Variants in DGLUCY observed in about 807,000 individuals in gnomAD.
The protein encoded by DGLUCY is D-glutamate cyclase.
In DGLUCY, 58 loss-of-function variants were observed where a neutral mutation model predicts 58.5. The observed-to-expected ratio is 0.99, with a 90% CI of 0.80 to 1.23. DGLUCY has a LOEUF of 1.23. Ranked by LOEUF, DGLUCY falls within the 50% of genes most tolerant of loss-of-function variation. The pLI is 0.00. For synonymous variants in DGLUCY, 325 were observed against 314.1 expected, an observed-to-expected ratio of 1.03 and a Z score of -0.37; for missense variants, 779 against 784.7, an observed-to-expected ratio of 0.99 and a Z score of 0.09.
chr14:91,105,099 G>A (rs961592268), upstream of DGLUCY, among the ~76,000 whole-genome samples: 1 of 152,146 alleles, frequency 6.6e-6, no homozygotes, highest in African/African-American at 2.4e-5. Context: ...AGGATCACAC[G>A]AGGTCAAGAG....
upstream of DGLUCY, among the ~76,000 whole-genome samples, chr14:91,103,004 C>T (rs779633249): frequency 2.2e-4 from 34 of 152,098 alleles, no homozygotes; most frequent in Admixed American, 3.3e-4. Flanking sequence ...TCAAATGATC[C>T]GCCTGTCTCA....
Position 91,217,484 on chromosome 14 carries a change from T to TA in DGLUCY, c.1716+1928_1716+1929insA, listed in dbSNP as rs1491209109. Among the ~76,000 whole-genome samples, 3 of 8,648 alleles carry TA rather than the reference T, an allele frequency of 3.5e-4. No homozygotes were observed. The East Asian group carries it at 3.7e-3, about 11-fold the overall frequency. The allele number at this position is 8,648 out of a possible 152,430, so 5.7% of individuals were successfully genotyped here. Reference sequence around the variant, plus strand: ...TCCGCATTGCTGCCCCTTTTCTGTCTTTTTTTTTTTTTTTTTTGAGACAGA... The same window carrying TA: ...TCCGCATTGCTGCCCCTTTTCTGTCTATTTTTTTTTTTTTTTTTGAGACAGA... On this transcript the variant is annotated intron_variant, in intron 13 of 13. Coordinates refer to ENST00000256324, the MANE Select transcript of DGLUCY (RefSeq NM_001102368.3).
At position 91,160,380 on chromosome 14, in the gene DGLUCY, C is replaced by T. The variant is rs1302889909; in HGVS notation, c.86C>T (p.Thr29Ile). The change falls in exon 3 of 14, where the codon ACA becomes ATA. Residue 29 changes from threonine to isoleucine, a missense_variant. Thr to Ile is a moderately conservative substitution (Grantham distance 89, BLOSUM62 -1). Transcript: ENST00000256324. Reference sequence around the variant, plus strand: ...CAAAAGAAACCAAACATCAGAAATACATCCAGCATGGCTGGAGGTAAGTGG... The same window carrying T: ...CAAAAGAAACCAAACATCAGAAATATATCCAGCATGGCTGGAGGTAAGTGG... ...ILQKKPNIRN[T>I]SSMAGELRPA... 5 of 1,307,916 alleles carry T rather than the reference C, an allele frequency of 3.8e-6. No homozygotes were observed. Among genetic ancestry groups the T allele is most frequent in the African/African-American group, 3.4e-5 (2 of 58,612 alleles). The allele number at this position is 1,307,916 out of a possible 1,614,324, so 81.0% of individuals were successfully genotyped here. A position where few individuals can be genotyped will look rare whatever the true frequency, so the allele number is the denominator to read the frequency against.
intron 8 of DGLUCY, among the ~76,000 whole-genome samples, chr14:91,183,584 T>C (rs1333017301): frequency 6.6e-6 from 1 of 152,160 alleles, no homozygotes; most frequent in African/African-American, 2.4e-5. Flanking sequence ...CCTACCAAGT[T>C]ATACTGTGCC....
At chr14:91,143,896 A>G (rs888107511) in intron 1 of DGLUCY, among the ~76,000 whole-genome samples, 3 of 152,218 alleles carry the variant, frequency 2.0e-5, no homozygotes, top group African/African-American at 7.2e-5. Context: ...TAACTTGCCC[A>G]AGATCATCCA....
At position 91,225,505 on chromosome 14, in the gene DGLUCY, G is replaced by C. The variant is rs2140821629; in HGVS notation, c.*672G>C. The C allele has an allele frequency of 6.6e-6, 1 of 152,296 alleles. No homozygotes were observed. The highest frequency in any genetic ancestry group is 2.4e-5 in the African/African-American group (1 of 41,552). The allele number at this position is 152,296 out of a possible 1,614,324, so 9.4% of individuals were successfully genotyped here. On this transcript the variant is annotated 3_prime_UTR_variant, in exon 14 of 14. Transcript: ENST00000256324. ...AGCAGGTGATCAGATCGACTGTCATGGTATTGCAGTGCTTATATTCAAGAA... is the reference window on the plus strand; with the variant it reads ...AGCAGGTGATCAGATCGACTGTCATCGTATTGCAGTGCTTATATTCAAGAA...
intron 8 of DGLUCY, among the ~76,000 whole-genome samples, chr14:91,184,902 A>G (rs1287306229): frequency 2.0e-5 from 3 of 152,160 alleles, no homozygotes; most frequent in African/African-American, 7.2e-5. Context: ...CACCACAGAT[A>G]CACCTCATAG....
intron 1 of DGLUCY, among the ~76,000 whole-genome samples, chr14:91,133,792 C>G (rs2140213632): frequency 6.6e-6 from 1 of 152,282 alleles, no homozygotes; most frequent in South Asian, 2.1e-4. Context: ...TCCGTGTCCT[C>G]ACCGATACTT....
At chr14:91,190,612 A>T (rs1445230416) in intron 9 of DGLUCY, among the ~76,000 whole-genome samples, 1 of 152,008 alleles carries the variant, frequency 6.6e-6, no homozygotes, top group Admixed American at 6.6e-5. Context: ...GGCATCCTGG[A>T]CTGTGGCAGT....
intron 1 of DGLUCY, among the ~76,000 whole-genome samples, chr14:91,146,657 G>A (rs766565933): frequency 9.9e-5 from 15 of 152,078 alleles, no homozygotes; most frequent in South Asian, 2.1e-4. Flanking sequence ...AGGCTGATGC[G>A]GCTAGTAAGC....
intron 7 of DGLUCY, among the ~76,000 whole-genome samples, chr14:91,180,853 G>A (rs2049132517): frequency 6.6e-6 from 1 of 152,240 alleles, no homozygotes; most frequent in Admixed American, 6.5e-5. Flanking sequence ...GGCTTCATGA[G>A]TTTTAAGAAT....
chr14:91,106,585 T>C (rs574482275), upstream of DGLUCY, among the ~76,000 whole-genome samples: 8 of 151,818 alleles, frequency 5.3e-5, no homozygotes, highest in South Asian at 1.7e-3. Flanking sequence ...TGTGCACCTG[T>C]AATCCCAGCT....
chr14:91,160,276 A>G lies in DGLUCY; in HGVS notation c.-19A>G, dbSNP rs1439340730. 1.1e-5 allele frequency: 17 copies of G among 1,585,912 alleles called. No homozygotes were observed. The highest frequency in any genetic ancestry group is 1.4e-5 in the Non-Finnish European group (16 of 1,154,722). On this transcript the variant is annotated 5_prime_UTR_variant, in exon 3 of 14. Coordinates refer to ENST00000256324, the MANE Select transcript of DGLUCY (RefSeq NM_001102368.3). ...CCTTCCCTCACCCAGATTCTCTGCT[A>G]CTTATTCAAGTTGACACGATGCCCT...
intron 1 of DGLUCY, among the ~76,000 whole-genome samples, chr14:91,150,732 C>T (rs1392794225): frequency 1.3e-5 from 2 of 151,978 alleles, no homozygotes; most frequent in African/African-American, 2.4e-5. Flanking sequence ...GGCCTTAATC[C>T]GAATGTTTTT....
At chr14:91,187,606 C>T (rs1199060226) in intron 8 of DGLUCY, among the ~76,000 whole-genome samples, 3 of 152,196 alleles carry the variant, frequency 2.0e-5, no homozygotes, top group Non-Finnish European at 4.4e-5. Context: ...GCTCCCAGCA[C>T]GACAGCCTCT....
At chr14:91,214,838 C>T (rs1166516093) in intron 12 of DGLUCY, among the ~76,000 whole-genome samples, 3 of 151,738 alleles carry the variant, frequency 2.0e-5, no homozygotes, top group Admixed American at 6.6e-5. Flanking sequence ...GAGGGAGACC[C>T]CATCACTAAA....
intron 1 of DGLUCY, among the ~76,000 whole-genome samples, chr14:91,119,574 A>G (rs1368005564): frequency 6.6e-6 from 1 of 151,852 alleles, no homozygotes; most frequent in Admixed American, 6.6e-5. Flanking sequence ...CTCCCTAAAT[A>G]TCCTCTGGGT....
intron 1 of DGLUCY, among the ~76,000 whole-genome samples, chr14:91,154,299 G>A (rs1384858067): frequency 6.6e-6 from 1 of 152,210 alleles, no homozygotes; most frequent in Non-Finnish European, 1.5e-5. Flanking sequence ...TTCCATGTGA[G>A]AGGAGGGTAG....
chr14:91,144,708 A>T lies in DGLUCY; in HGVS notation c.-81-12931A>T, dbSNP rs193163215. Reference sequence around the variant, plus strand: ...GGAAGCACATGGACCCTCAAATGAAAATTGGGAGCTCTCGTGGGAAGTGGG... The same window carrying T: ...GGAAGCACATGGACCCTCAAATGAATATTGGGAGCTCTCGTGGGAAGTGGG... On this transcript the variant is annotated intron_variant, in intron 1 of 13. Coordinates refer to ENST00000256324, the MANE Select transcript of DGLUCY (RefSeq NM_001102368.3). 3.9e-5 allele frequency among the ~76,000 whole-genome samples: 6 copies of T among 152,214 alleles called. No homozygotes were observed. The East Asian group carries it at 1.2e-3, about 29-fold the overall frequency.
Sources: allele counts gnomAD v4.1 joint callset (sites outside exome capture counted in the v4.1 genomes callset), GRCh38; gene constraint gnomAD v4.1.1; transcripts MANE v1.5; gene names NCBI Gene and HGNC (gene_info 2026-07-23, HGNC 2026-07-21).